Variants in SFPQ observed in about 807,000 individuals in gnomAD.
SFPQ encodes splicing factor proline and glutamine rich.
In SFPQ, 11 loss-of-function variants were observed where a neutral mutation model predicts 72.9. The ratio of observed to expected loss-of-function variants is 0.15; its 90% CI spans 0.09 to 0.25. The LOEUF is 0.25. Among genes scored for constraint, SFPQ ranks in the 10% least tolerant of loss-of-function variants. The pLI is 1.00. For synonymous variants in SFPQ, 506 were observed against 367.3 expected (o/e 1.38, Z -4.32); for missense variants, 847 against 993.3 (o/e 0.85, Z 1.98).
downstream of SFPQ, chr1:35,178,064 T>C: frequency 7.8e-7 from 1 of 1,277,978 alleles, no homozygotes; most frequent in Non-Finnish European, 1.0e-6. Context: ...AAAGTTAATA[T>C]AAAAGACAAG....
At position 35,192,210 on chromosome 1, in the gene SFPQ, AT is replaced by A; in HGVS notation, c.828+11del. The A allele has an allele frequency of 7.2e-7, 1 of 1,384,050 alleles. No individual in the cohort carries two copies. Among genetic ancestry groups the A allele is most frequent in the East Asian group, 9.2e-5 (1 of 10,820 alleles). The allele number at this position is 1,384,050 out of a possible 1,614,324, so 85.7% of individuals were successfully genotyped here. Reference sequence around the variant, plus strand: ...TTAGGGGAGCCGACGCGTCGCTCCCATAGACACTCACCTCCGAGTCCGAGAT... The same window carrying A: ...TTAGGGGAGCCGACGCGTCGCTCCCAAGACACTCACCTCCGAGTCCGAGAT... On this transcript the variant is annotated intron_variant, in intron 1 of 9. Coordinates refer to ENST00000357214, the MANE Select transcript of SFPQ (RefSeq NM_005066.3).
At chr1:35,191,018 TTAA>T in intron 2 of SFPQ, 23 bp from the exon 3 acceptor site, 1 of 1,595,632 alleles carries the variant, frequency 6.3e-7, no homozygotes. Flanking sequence ...GACACTCATG[TTAA>T]TGACCTCAAA....
chr1:35,187,603 C>T (rs1419650783), intron 7 of SFPQ, among the ~76,000 whole-genome samples: 1 of 151,998 alleles, frequency 6.6e-6, no homozygotes, highest in Non-Finnish European at 1.5e-5. Flanking sequence ...TGATGGCAGG[C>T]ACTTGTAATC....
At chr1:35,181,878 C>T, downstream of SFPQ, 1 of 985,236 alleles carries the variant, frequency 1.0e-6, no homozygotes, top group Non-Finnish European at 1.2e-6. Flanking sequence ...GCTTACAACC[C>T]TGAGTACATT....
chr1:35,187,326 C>A, intron 7 of SFPQ, 75 bp from the exon 8 acceptor site: 1 of 1,317,356 alleles, frequency 7.6e-7, no homozygotes, highest in Non-Finnish European at 1.1e-6. Flanking sequence ...GAGAAATTTT[C>A]AAGAGTTAAA....
chr1:35,181,788 T>C (rs1639480096), downstream of SFPQ: 1 of 985,098 alleles, frequency 1.0e-6, no homozygotes, highest in African/African-American at 1.7e-5. Context: ...TTTAGGAAAC[T>C]ATTAAGATTA....
In SFPQ at chr1:35,190,771, G is replaced by A. The variant is rs1639958163; in HGVS notation, c.1242C>T (p.Gly414=). ...VDDRGRSTGK[G]IVEFASKPAA... The stretch of plus-strand genomic sequence containing the variant: ...CTGGCTTAGAAGCAAATTCAACAAT[G>A]CCTTTCCCTGTAGATCTTCCACGAT... The change falls in exon 3 of 10, where the codon GGC becomes GGT. Residue 414 remains glycine (G), a synonymous_variant. Coordinates refer to ENST00000357214, the MANE Select transcript of SFPQ (RefSeq NM_005066.3). 1 of 1,614,184 alleles carries A rather than the reference G, an allele frequency of 6.2e-7. No individual in the cohort carries two copies. The highest frequency in any genetic ancestry group is 8.5e-7 in the Non-Finnish European group (1 of 1,180,030).
rs1167637899 is a variant in SFPQ, at chr1:35,189,213, C to G, written c.1585G>C (p.Glu529Gln). 6.2e-7 allele frequency: 1 copy of G among 1,613,970 alleles called. No homozygotes were observed. Reference protein sequence around the residue: ...LESEMEDAYHEHQANLLRQDL... With the variant: ...LESEMEDAYHQHQANLLRQDL... ...TGGCGCAAAAGATTTGCCTGATGTTCATGATAGGCATCTTCCATTTCACTT... is the reference window on the plus strand; with the variant it reads ...TGGCGCAAAAGATTTGCCTGATGTTGATGATAGGCATCTTCCATTTCACTT... Residue 529 changes from glutamate (E) to glutamine (Q), a missense_variant, in exon 5 of 10, where the codon GAA becomes CAA. Physicochemically the swap from Glu to Gln is conservative, Grantham distance 29. This residue lies in a region of SFPQ where 132 missense variants were observed against 255.4 expected (regional missense o/e 0.52). Transcript: ENST00000357214.
chr1:35,183,078 ATTTG>A lies in SFPQ; in HGVS notation c.*1374_*1377del. The A allele has an allele frequency of 9.7e-7, 1 of 1,031,084 alleles. No individual in the cohort carries two copies. Among genetic ancestry groups the A allele is most frequent in the Non-Finnish European group, 1.2e-6 (1 of 857,890 alleles). 63.9% of individuals were successfully genotyped at this position (1,031,084 alleles called of 1,614,324 possible). The stretch of plus-strand genomic sequence containing the variant: ...AATAAGAATGATTATCTGCAACCCT[ATTTG>A]TTAACAATCACCACTAGCTCTTAGA... On this transcript the variant is annotated 3_prime_UTR_variant, in exon 10 of 10. Coordinates refer to ENST00000357214, the MANE Select transcript of SFPQ (RefSeq NM_005066.3).
rs773891977 is a variant in SFPQ, at chr1:35,184,430, CTG to C, written c.*24_*25del. On this transcript the variant is annotated 3_prime_UTR_variant, in exon 10 of 10. Coordinates refer to ENST00000357214, the MANE Select transcript of SFPQ (RefSeq NM_005066.3). ...TATCTAAACAAAAAAACAAAACAAACTGGAATGAAAGCCTAAATATCACATCT... is the reference window on the plus strand; with the variant it reads ...TATCTAAACAAAAAAACAAAACAAACGAATGAAAGCCTAAATATCACATCT... The C allele has an allele frequency of 9.4e-5, 150 of 1,593,398 alleles. No homozygotes were observed. The highest frequency in any genetic ancestry group is 4.7e-5 in the Non-Finnish European group (55 of 1,173,842).
chr1:35,191,152 C>A (rs1288457630), intron 2 of SFPQ, among the ~76,000 whole-genome samples, 157 bp from the exon 3 acceptor site: 1 of 152,178 alleles, frequency 6.6e-6, no homozygotes. Flanking sequence ...TTACCCACCC[C>A]ACCCCTCTTT....
chr1:35,184,129 T>C lies in SFPQ; in HGVS notation c.*327A>G, dbSNP rs952478044. The C allele has an allele frequency of 4.0e-5, 46 of 1,139,526 alleles. No homozygotes were observed. In the South Asian group the frequency reaches 1.3e-3, roughly 33 times the overall value. The allele number at this position is 1,139,526 out of a possible 1,614,324, so 70.6% of individuals were successfully genotyped here. A position where few individuals can be genotyped will look rare whatever the true frequency, so the allele number is the denominator to read the frequency against. On this transcript the variant is annotated 3_prime_UTR_variant, in exon 10 of 10. Transcript: ENST00000357214. ...AAGTTGAAGATCAATATTATAACTA[T>C]TTTTCTATTTATTTGAAGCACAGTA...
At chr1:35,179,437 T>C (rs369131883), downstream of SFPQ, 3 of 1,056,672 alleles carry the variant, frequency 2.8e-6, no homozygotes, top group African/African-American at 4.9e-5. Flanking sequence ...AAATACATTC[T>C]GGCATCACAC....
In SFPQ at chr1:35,183,114, C is replaced by T. The variant is rs561188193; in HGVS notation, c.*1342G>A. The T allele has an allele frequency of 1.9e-6, 2 of 1,028,582 alleles. No homozygotes were observed. Among genetic ancestry groups the T allele is most frequent in the East Asian group, 1.2e-4 (2 of 16,024 alleles). The allele number at this position is 1,028,582 out of a possible 1,614,324, so 63.7% of individuals were successfully genotyped here. On this transcript the variant is annotated 3_prime_UTR_variant, in exon 10 of 10. Transcript: ENST00000357214. Reference sequence around the variant, plus strand: ...ATCACCACTAGCTCTTAGAAGAGAACCAATAGATTTTTATAGTCCTATAGA... The same window carrying T: ...ATCACCACTAGCTCTTAGAAGAGAATCAATAGATTTTTATAGTCCTATAGA...
chr1:35,187,879 CTG>C (rs67796063), intron 7 of SFPQ, 92 bp downstream of exon 7: 17,212 of 769,002 alleles, frequency 0.022, 1,420 homozygotes, highest in African/African-American at 0.22. Context: ...CAGAAAATAA[CTG>C]TAATTTGATA....
At position 35,191,106 on chromosome 1, in the gene SFPQ, A is replaced by G. The variant is rs1228274197; in HGVS notation, c.1018-111T>C. On this transcript the variant is annotated intron_variant, in intron 2 of 9. Transcript: ENST00000357214. ...TTTCTTCCTTCAGCTCAGTTCGACC[A>G]TTACCTTTAGGCAGCACCCACTAAC... is the stretch of plus-strand genomic sequence containing the variant. 9.7e-6 allele frequency: 10 copies of G among 1,032,038 alleles called. No homozygotes were observed. In the East Asian group the frequency reaches 2.3e-4, roughly 24 times the overall value. 63.9% of individuals were successfully genotyped at this position (1,032,038 alleles called of 1,614,324 possible).
intron 1 of SFPQ, 66 bp downstream of exon 1, chr1:35,192,156 G>A: frequency 8.1e-7 from 1 of 1,234,428 alleles, no homozygotes; most frequent in Non-Finnish European, 1.0e-6. Flanking sequence ...CAGCGCGGGG[G>A]CGGGGGCGAG....
chr1:35,183,842 A>T lies in SFPQ; in HGVS notation c.*614T>A, dbSNP rs1019780832. The stretch of plus-strand genomic sequence containing the variant: ...TCCACAATCTTAATACATATTCCTG[A>T]AGATTTACAGTTCAGCTTTGCTTAC... On this transcript the variant is annotated 3_prime_UTR_variant, in exon 10 of 10. Transcript: ENST00000357214. 9.5e-7 allele frequency: 1 copy of T among 1,055,510 alleles called. No individual in the cohort carries two copies. Among genetic ancestry groups the T allele is most frequent in the Admixed American group, 5.4e-5 (1 of 18,362 alleles). The allele number at this position is 1,055,510 out of a possible 1,614,324, so 65.4% of individuals were successfully genotyped here. A position where few individuals can be genotyped will look rare whatever the true frequency, so the allele number is the denominator to read the frequency against.
intron 1 of SFPQ, among the ~76,000 whole-genome samples, chr1:35,191,898 CG>C (rs1640019122): frequency 6.6e-6 from 1 of 152,256 alleles, no homozygotes; most frequent in Non-Finnish European, 1.5e-5. Flanking sequence ...TGGAACTTCC[CG>C]GTTCTCTCCA....
Sources: gnomAD v4.1 joint callset for allele counts (sites outside exome capture counted in the v4.1 genomes callset) on GRCh38, gnomAD v4.1.1 for gene constraint, gnomAD v4.1.1 regional missense constraint, MANE v1.5 for transcripts, NCBI Gene and HGNC (gene_info 2026-07-23, HGNC 2026-07-21) for gene names.